RAB38: variants seen among roughly 807,000 people sequenced by gnomAD.
RAB38 encodes ras-related protein Rab-38.
RAB38 carries 15 observed loss-of-function variants against 18.4 expected under a neutral mutation model. The ratio of observed to expected loss-of-function variants is 0.82; its 90% CI spans 0.55 to 1.26. The LOEUF is 1.26. Ranked by LOEUF, RAB38 falls within the 50% of genes most tolerant of loss-of-function variation. The pLI is 0.00. For synonymous variants in RAB38, 101 were observed against 104.4 expected (o/e 0.97, Z 0.20); for missense variants, 294 against 267.4 (o/e 1.10, Z -0.69).
At chr11:88,058,685 A>C in the RAB38 span, among the ~76,000 whole-genome samples, 12 of 152,192 alleles carry the variant, frequency 7.9e-5, no homozygotes, top group African/African-American at 2.4e-4. Flanking sequence ...TTTGTTGTGC[A>C]TGATATTTAC....
chr11:87,877,047 T>C, the RAB38 span, among the ~76,000 whole-genome samples: 2 of 151,582 alleles, frequency 1.3e-5, no homozygotes, highest in South Asian at 2.1e-4. Flanking sequence ...CATGAGAATA[T>C]TCATGAGTGG....
rs564530964 is a variant in RAB38 at position 88,119,204 on chromosome 11, T to A, written c.484-5064A>T. Among the ~76,000 whole-genome samples, 5 of 152,206 alleles carry A rather than the reference T, an allele frequency of 3.3e-5. No homozygotes were observed. In the South Asian group the frequency reaches 1.0e-3, roughly 32 times the overall value. On this transcript the variant is annotated intron_variant, in intron 2 of 2. Coordinates refer to ENST00000243662, the MANE Select transcript of RAB38 (RefSeq NM_022337.3). ...AGACATTGATCTAATTGGTCTGACATGGGGCCCTACCTAGCATGAGCATTA... is the reference window on the plus strand; with the variant it reads ...AGACATTGATCTAATTGGTCTGACAAGGGGCCCTACCTAGCATGAGCATTA...
intron 2 of RAB38, among the ~76,000 whole-genome samples, chr11:88,135,400 G>A (rs1942824037): frequency 6.6e-6 from 1 of 152,136 alleles, no homozygotes; most frequent in African/African-American, 2.4e-5. Context: ...GTAACATAGA[G>A]GTTCTCAATG....
chr11:87,884,496 G>A, the RAB38 span, among the ~76,000 whole-genome samples: 1 of 151,934 alleles, frequency 6.6e-6, no homozygotes, highest in East Asian at 2.0e-4. Flanking sequence ...GCCCTGTCCT[G>A]AAGAAAGAAT....
the RAB38 span, among the ~76,000 whole-genome samples, chr11:87,826,906 A>G: frequency 1.3e-5 from 2 of 152,258 alleles, no homozygotes; most frequent in South Asian, 4.1e-4. Context: ...GGAAGAGGGG[A>G]GGACACTGTT....
chr11:88,075,771 C>T, the RAB38 span, among the ~76,000 whole-genome samples: 4 of 151,860 alleles, frequency 2.6e-5, no homozygotes, highest in African/African-American at 7.3e-5. Context: ...ATACCAGCTA[C>T]TCGGGAGGCT....
At chr11:87,872,639 T>A in the RAB38 span, among the ~76,000 whole-genome samples, 3 of 151,612 alleles carry the variant, frequency 2.0e-5, no homozygotes, top group Non-Finnish European at 4.4e-5. Context: ...CACTGATTAC[T>A]GTCTCCATAG....
At chr11:88,005,224 C>T in the RAB38 span, among the ~76,000 whole-genome samples, 1 of 151,276 alleles carries the variant, frequency 6.6e-6, no homozygotes, top group South Asian at 2.1e-4. Flanking sequence ...TTCACACTAC[C>T]AGATTACGTA....
chr11:88,029,822 G>A, the RAB38 span, among the ~76,000 whole-genome samples: 604 of 152,130 alleles, frequency 4.0e-3, 2 homozygotes, highest in African/African-American at 0.014. Context: ...ACAGATCAAC[G>A]AGACAGAAAG....
chr11:87,977,774 T>C, the RAB38 span, among the ~76,000 whole-genome samples: 2 of 113,998 alleles, frequency 1.8e-5, no homozygotes, highest in South Asian at 2.8e-4. Context: ...ATTATAGTTA[T>C]ATATTATATC....
chr11:87,834,583 G>A, the RAB38 span, among the ~76,000 whole-genome samples: 1 of 152,138 alleles, frequency 6.6e-6, no homozygotes, highest in African/African-American at 2.4e-5. Context: ...GAGAAACTTG[G>A]ATGTCATTAT....
intron 2 of RAB38, among the ~76,000 whole-genome samples, chr11:88,126,829 G>T (rs1395037694): frequency 6.6e-6 from 1 of 152,130 alleles, no homozygotes; most frequent in Non-Finnish European, 1.5e-5. Context: ...TGAAAATAAT[G>T]CCAACTTCAC....
chr11:88,085,837 CA>C, the RAB38 span, among the ~76,000 whole-genome samples: 1 of 151,792 alleles, frequency 6.6e-6, no homozygotes, highest in Non-Finnish European at 1.5e-5. Flanking sequence ...TACAAACAAA[CA>C]AACAAAAAAT....
the RAB38 span, among the ~76,000 whole-genome samples, chr11:87,958,074 G>C: frequency 6.6e-6 from 1 of 152,022 alleles, no homozygotes; most frequent in Non-Finnish European, 1.5e-5. Flanking sequence ...TTCAAATTTT[G>C]AATTTTGATC....
intron 2 of RAB38, among the ~76,000 whole-genome samples, chr11:88,146,401 C>G (rs564305204): frequency 1.3e-5 from 2 of 152,128 alleles, no homozygotes; most frequent in African/African-American, 4.8e-5. Flanking sequence ...GTATTTATCA[C>G]CAGACATTAT....
At chr11:87,889,502 GATA>G in the RAB38 span, among the ~76,000 whole-genome samples, 79 of 151,518 alleles carry the variant, frequency 5.2e-4, 1 homozygote, top group East Asian at 0.013. Flanking sequence ...CAATAATAAT[GATA>G]ATAATTATGA....
intron 2 of RAB38, among the ~76,000 whole-genome samples, chr11:88,122,254 C>G (rs1025085645): frequency 2.0e-5 from 3 of 152,094 alleles, no homozygotes; most frequent in African/African-American, 7.2e-5. Context: ...CCATTAAGAA[C>G]CAGAATATTC....
the RAB38 span, among the ~76,000 whole-genome samples, chr11:87,977,797 A>G: frequency 8.7e-6 from 1 of 115,090 alleles, no homozygotes; most frequent in Non-Finnish European, 1.7e-5. Context: ...AGTTATATAT[A>G]TTATAGAGTT....
At chr11:87,955,464 C>T in the RAB38 span, among the ~76,000 whole-genome samples, 1 of 152,038 alleles carries the variant, frequency 6.6e-6, no homozygotes, top group African/African-American at 2.4e-5. Context: ...GTGTAATATA[C>T]CCACATAACG....
Sources: allele counts gnomAD v4.1 joint callset (sites outside exome capture counted in the v4.1 genomes callset), GRCh38; gene constraint gnomAD v4.1.1; transcripts MANE v1.5; gene names NCBI Gene and HGNC (gene_info 2026-07-23, HGNC 2026-07-21).